Variants in LRCH1 observed in about 807,000 individuals in gnomAD.
LRCH1 encodes leucine rich repeats and calponin homology domain containing 1, also known as leucine-rich repeat and calponin homology domain-containing protein 1.
LRCH1 carries 23 observed loss-of-function variants against 94.9 expected under a neutral mutation model. The ratio of observed to expected loss-of-function variants is 0.24; its 90% CI spans 0.17 to 0.34. The LOEUF is 0.34. Ranked by LOEUF, LRCH1 falls within the 10% of genes least tolerant of loss-of-function variation. The probability of loss-of-function intolerance (pLI) is 1.00; values close to 1 mark genes in which losing one functional copy is unlikely to be tolerated. For missense variants in LRCH1, 790 were observed against 945.9 expected (o/e 0.84, Z 2.16); for synonymous variants, 364 against 354.9 (o/e 1.03, Z -0.29).
At chr13:46,587,325 G>A (rs1356509523) in intron 1 of LRCH1, among the ~76,000 whole-genome samples, 2 of 152,202 alleles carry the variant, frequency 1.3e-5, no homozygotes, top group South Asian at 4.1e-4. Flanking sequence ...CTGATAAGTT[G>A]CATTACAAAT....
At chr13:46,675,387 A>G (rs1442491796) in intron 3 of LRCH1, among the ~76,000 whole-genome samples, 1 of 152,068 alleles carries the variant, frequency 6.6e-6, no homozygotes, top group African/African-American at 2.4e-5. Context: ...GAAGTCATGC[A>G]GTGTGTGAAA....
chr13:46,623,333 G>A (rs1465718852), intron 1 of LRCH1, among the ~76,000 whole-genome samples: 1 of 152,096 alleles, frequency 6.6e-6, no homozygotes, highest in Non-Finnish European at 1.5e-5. Context: ...TGGTAATGGT[G>A]GGGAAAGACA....
At chr13:46,739,619 GA>G (rs1008417033) in intron 19 of LRCH1, among the ~76,000 whole-genome samples, 1 of 152,166 alleles carries the variant, frequency 6.6e-6, no homozygotes, top group Non-Finnish European at 1.5e-5. Context: ...TTGGCTATGT[GA>G]CATAGGGTTG....
At chr13:46,659,995 G>T (rs1299126531) in intron 2 of LRCH1, among the ~76,000 whole-genome samples, 1 of 149,258 alleles carries the variant, frequency 6.7e-6, no homozygotes. Context: ...TGATAAGATC[G>T]GTAAAGGAAG....
chr13:46,615,082 G>A (rs1219708187), intron 1 of LRCH1, among the ~76,000 whole-genome samples: 1 of 152,124 alleles, frequency 6.6e-6, no homozygotes, highest in Non-Finnish European at 1.5e-5. Context: ...TGACAATTTA[G>A]TCTTATTCTT....
At chr13:46,736,120 G>GTGTGTGTT (rs1873372270) in intron 19 of LRCH1, among the ~76,000 whole-genome samples, 1 of 146,192 alleles carries the variant, frequency 6.8e-6, no homozygotes, top group South Asian at 2.1e-4. Flanking sequence ...AATTTGCTCT[G>GTGTGTGTT]TGTGTGTGTG....
At chr13:46,643,738 G>A (rs1311385102) in intron 1 of LRCH1, among the ~76,000 whole-genome samples, 1 of 151,964 alleles carries the variant, frequency 6.6e-6, no homozygotes, top group Non-Finnish European at 1.5e-5. Context: ...ACAAAGTTGA[G>A]GATTAAATGA....
chr13:46,742,994 GAA>G lies in LRCH1; in HGVS notation c.*1153_*1154del. ...AATGTGATCAGTTTGCATTTAAAAG[GAA>G]AAAAAAGAATTTTATCTTAGCCAGA... On this transcript the variant is annotated 3_prime_UTR_variant, in exon 20 of 20. Transcript: ENST00000389797. 1.0e-6 allele frequency: 1 copy of G among 984,944 alleles called. No homozygotes were observed. Among genetic ancestry groups the G allele is most frequent in the Non-Finnish European group, 1.2e-6 (1 of 829,776 alleles). 61.0% of individuals were successfully genotyped at this position (984,944 alleles called of 1,614,324 possible). A position where few individuals can be genotyped will look rare whatever the true frequency, so the allele number is the denominator to read the frequency against.
chr13:46,686,288 T>C (rs1489119715), intron 5 of LRCH1, among the ~76,000 whole-genome samples: 1 of 152,120 alleles, frequency 6.6e-6, no homozygotes, highest in South Asian at 2.1e-4. Flanking sequence ...CATGTAGAAA[T>C]ATGATTGGAC....
intron 3 of LRCH1, among the ~76,000 whole-genome samples, chr13:46,680,722 ACCTCAT>A (rs2051739139): frequency 6.6e-6 from 1 of 152,212 alleles, no homozygotes; most frequent in Admixed American, 6.5e-5. Flanking sequence ...AAATGGACAG[ACCTCAT>A]CATAGATACT....
intron 2 of LRCH1, among the ~76,000 whole-genome samples, chr13:46,664,781 G>A (rs1031950908): frequency 2.0e-5 from 3 of 152,172 alleles, no homozygotes; most frequent in Non-Finnish European, 4.4e-5. Flanking sequence ...CATCTATAAT[G>A]TCGTGTTAGG....
chr13:46,573,866 A>ATATATATATATATATTTTTTTT, intron 1 of LRCH1, among the ~76,000 whole-genome samples: 54 of 63,368 alleles, frequency 8.5e-4, no homozygotes, highest in East Asian at 1.3e-3. Flanking sequence ...ATATATATAT[A>ATATATATATATATATTTTTTTT]TTTTTTTTTT....
intron 1 of LRCH1, among the ~76,000 whole-genome samples, chr13:46,629,243 C>T (rs561966795): frequency 1.3e-5 from 2 of 152,312 alleles, no homozygotes; most frequent in South Asian, 4.1e-4. Flanking sequence ...AGACACCTTT[C>T]TGCAGTTAAT....
At chr13:46,594,122 A>G (rs1000047792) in intron 1 of LRCH1, among the ~76,000 whole-genome samples, 14 of 152,122 alleles carry the variant, frequency 9.2e-5, no homozygotes, top group Admixed American at 7.2e-4. Flanking sequence ...CCAGGGAGTG[A>G]CATTGCAGGC....
intron 1 of LRCH1, among the ~76,000 whole-genome samples, chr13:46,601,590 T>C (rs2050629613): frequency 6.6e-6 from 1 of 152,230 alleles, no homozygotes; most frequent in Non-Finnish European, 1.5e-5. Context: ...CATCAAATTC[T>C]TTTAAATCCA....
At position 46,661,594 on chromosome 13, in the gene LRCH1, AAAG is replaced by A. The variant is rs1442851182; in HGVS notation, c.453-7430_453-7428del. ...CTCTGTGTAAAAATGTTAGAACACT[AAAG>A]AAGAATCTAGTTATTAGTAGTTGTC... On this transcript the variant is annotated intron_variant, in intron 2 of 19. Transcript: ENST00000389797. Among the ~76,000 whole-genome samples, 15 of 152,234 alleles carry A rather than the reference AAAG, an allele frequency of 9.9e-5. 1 individual carries two copies. Among genetic ancestry groups the A allele is most frequent in the Admixed American group, 9.8e-4 (15 of 15,290 alleles).
At chr13:46,564,669 A>C (rs936627606) in intron 1 of LRCH1, among the ~76,000 whole-genome samples, 1 of 152,182 alleles carries the variant, frequency 6.6e-6, no homozygotes, top group Non-Finnish European at 1.5e-5. Context: ...AGGAACTTAG[A>C]CACTTCTCTA....
At chr13:46,637,457 C>T (rs1049946020) in intron 1 of LRCH1, among the ~76,000 whole-genome samples, 15 of 152,212 alleles carry the variant, frequency 9.9e-5, no homozygotes, top group African/African-American at 3.6e-4. Flanking sequence ...ACCTCATTGG[C>T]CTCTTTTCTT....
At chr13:46,622,242 G>C (rs2050889120) in intron 1 of LRCH1, among the ~76,000 whole-genome samples, 1 of 148,728 alleles carries the variant, frequency 6.7e-6, no homozygotes, top group Admixed American at 6.7e-5. Context: ...TGTGTTGATT[G>C]AATTCCAGTT....
Sources: allele counts gnomAD v4.1 joint callset (sites outside exome capture counted in the v4.1 genomes callset), GRCh38; gene constraint gnomAD v4.1.1; transcripts MANE v1.5; gene names NCBI Gene and HGNC (gene_info 2026-07-23, HGNC 2026-07-21).